Variants in XKR4 observed in about 807,000 individuals in gnomAD.
The protein encoded by XKR4 is XK related 4, also known as XK-related protein 4.
Under a neutral mutation model 53.9 loss-of-function variants are expected in XKR4, and 12 were observed. The observed-to-expected ratio is 0.22, with a 90% CI of 0.14 to 0.36. The LOEUF (loss-of-function observed/expected upper bound fraction) is 0.36, where lower values mean the gene tolerates loss of function less well. Among genes scored for constraint, XKR4 ranks in the 10% least tolerant of loss-of-function variants. The pLI is 1.00. For synonymous variants in XKR4, 354 were observed against 362.4 expected, an observed-to-expected ratio of 0.98 and a Z score of 0.26; for missense variants, 799 against 859.5, an observed-to-expected ratio of 0.93 and a Z score of 0.88.
At chr8:55,231,060 A>G in intron 1 of XKR4, among the ~76,000 whole-genome samples, 1 of 152,142 alleles carries the variant, frequency 6.6e-6, no homozygotes, top group Non-Finnish European at 1.5e-5. Context: ...TAAAATGAAG[A>G]GTTCGAAACT....
intron 1 of XKR4, among the ~76,000 whole-genome samples, chr8:55,144,039 G>A (rs1369346469): frequency 1.3e-5 from 2 of 152,140 alleles, no homozygotes; most frequent in African/African-American, 4.8e-5. Flanking sequence ...TTACTTCAGA[G>A]CTGAATTATC....
intron 1 of XKR4, among the ~76,000 whole-genome samples, chr8:55,112,243 G>A (rs78459384): frequency 0.02 from 3,092 of 152,222 alleles, 90 homozygotes; most frequent in African/African-American, 0.069. Flanking sequence ...TTATACACAT[G>A]CCATATTTCC....
rs186869467 is a variant in XKR4 at position 55,130,976 on chromosome 8, G to A, written c.806+27682G>A. 1.1e-3 allele frequency among the ~76,000 whole-genome samples: 169 copies of A among 152,082 alleles called. 2 individuals are homozygous for A. Among genetic ancestry groups the A allele is most frequent in the African/African-American group, 3.8e-3 (158 of 41,488 alleles). On this transcript the variant is annotated intron_variant, in intron 1 of 2. Transcript: ENST00000327381. ...GGAGTTTGAGACCAGCTTGACCGAC[G>A]TGGAGAAACCCCATCTCTACTAAAA...
At chr8:55,316,572 A>G (rs1819478069) in intron 1 of XKR4, among the ~76,000 whole-genome samples, 1 of 152,228 alleles carries the variant, frequency 6.6e-6, no homozygotes, top group Admixed American at 6.5e-5. Context: ...AAGATGGTTT[A>G]CAGAACACAG....
chr8:55,221,637 A>T (rs562916444), intron 1 of XKR4, among the ~76,000 whole-genome samples: 1 of 152,104 alleles, frequency 6.6e-6, no homozygotes. Flanking sequence ...TGAGCTCAGG[A>T]AGTTCCCTCT....
At position 55,523,887 on chromosome 8, in the gene XKR4, C is replaced by A. The variant is rs778408844; in HGVS notation, c.1613C>A (p.Pro538His). Residue 538 changes from proline (P) to histidine (H), a missense_variant, in exon 3 of 3, where the codon CCC becomes CAC. Pro to His is a moderately conservative substitution (Grantham distance 77). This residue lies in a region of XKR4 where 269 missense variants were observed against 264.4 expected (regional missense o/e 1.02). Coordinates refer to ENST00000327381, the MANE Select transcript of XKR4 (RefSeq NM_052898.2). ...CEDPAAAFTL[P>H]PDVATSTLRS... ...GACCCAGCCGCTGCCTTCACTTTGC[C>A]CCCAGACGTGGCCACAAGCACCCTA... 1 of 1,614,174 alleles carries A rather than the reference C, an allele frequency of 6.2e-7. No individual in the cohort carries two copies. Among genetic ancestry groups the A allele is most frequent in the African/African-American group, 1.3e-5 (1 of 75,052 alleles).
chr8:55,480,757 A>AACAT, intron 2 of XKR4, among the ~76,000 whole-genome samples: 1 of 119,554 alleles, frequency 8.4e-6, no homozygotes, highest in Non-Finnish European at 1.7e-5. Flanking sequence ...ATACACCAAA[A>AACAT]ACAGACAGAG....
intron 1 of XKR4, among the ~76,000 whole-genome samples, chr8:55,305,910 A>T (rs940884107): frequency 6.6e-6 from 1 of 152,226 alleles, no homozygotes; most frequent in African/African-American, 2.4e-5. Context: ...TCTTAATTTT[A>T]ATGGTAGATG....
chr8:55,191,698 T>G (rs1490033975), intron 1 of XKR4, among the ~76,000 whole-genome samples: 4 of 151,768 alleles, frequency 2.6e-5, no homozygotes, highest in African/African-American at 9.7e-5. Flanking sequence ...TTTTTTTTTT[T>G]TGGGAGTTTC....
At chr8:55,317,887 A>G (rs906951970) in intron 1 of XKR4, among the ~76,000 whole-genome samples, 2 of 152,242 alleles carry the variant, frequency 1.3e-5, no homozygotes, top group African/African-American at 2.4e-5. Context: ...CCCAAGGAAG[A>G]TGGCTTCAAT....
At chr8:55,303,734 A>G (rs1819243265) in intron 1 of XKR4, among the ~76,000 whole-genome samples, 1 of 152,142 alleles carries the variant, frequency 6.6e-6, no homozygotes, top group Non-Finnish European at 1.5e-5. Flanking sequence ...GGGAGGGTGT[A>G]TGTGTCGAGG....
At chr8:55,125,835 T>G (rs1816460012) in intron 1 of XKR4, among the ~76,000 whole-genome samples, 1 of 152,148 alleles carries the variant, frequency 6.6e-6, no homozygotes, top group African/African-American at 2.4e-5. Flanking sequence ...AATCTGTCCT[T>G]GTTTTAAAAT....
At chr8:55,490,853 GT>G in intron 2 of XKR4, among the ~76,000 whole-genome samples, 1 of 151,940 alleles carries the variant, frequency 6.6e-6, no homozygotes, top group Admixed American at 6.6e-5. Context: ...TCTGCTTGTG[GT>G]TTGTTGAGAA....
intron 2 of XKR4, among the ~76,000 whole-genome samples, chr8:55,496,012 T>C (rs1300123431): frequency 1.3e-5 from 2 of 152,266 alleles, no homozygotes; most frequent in Non-Finnish European, 2.9e-5. Flanking sequence ...GACTATGAAG[T>C]CAGCAATGTT....
At chr8:55,203,806 T>C (rs1018307837) in intron 1 of XKR4, among the ~76,000 whole-genome samples, 2 of 151,984 alleles carry the variant, frequency 1.3e-5, no homozygotes, top group African/African-American at 4.8e-5. Context: ...CATAAAGGGG[T>C]TTCTGGCTCT....
At chr8:55,237,024 T>G (rs1369785314) in intron 1 of XKR4, among the ~76,000 whole-genome samples, 1 of 152,270 alleles carries the variant, frequency 6.6e-6, no homozygotes, top group African/African-American at 2.4e-5. Flanking sequence ...CTGGTTGTGC[T>G]TCTTCTTCAA....
At chr8:55,208,361 C>T (rs554305900) in intron 1 of XKR4, among the ~76,000 whole-genome samples, 1 of 152,308 alleles carries the variant, frequency 6.6e-6, no homozygotes, top group Non-Finnish European at 1.5e-5. Context: ...CCCAATACAC[C>T]TCTTAGCCAT....
intron 2 of XKR4, chr8:55,449,732 T>A: frequency 1.1e-6 from 1 of 939,758 alleles, no homozygotes. Context: ...CACACGGTGG[T>A]CGTAGTAGCG....
intron 1 of XKR4, among the ~76,000 whole-genome samples, chr8:55,247,730 C>T (rs1292298075): frequency 5.3e-5 from 8 of 152,136 alleles, no homozygotes; most frequent in African/African-American, 1.7e-4. Context: ...TTCACAATTA[C>T]AATCACAGTG....
Sources: gnomAD v4.1 joint callset for allele counts (sites outside exome capture counted in the v4.1 genomes callset) on GRCh38, gnomAD v4.1.1 for gene constraint, gnomAD v4.1.1 regional missense constraint, MANE v1.5 for transcripts, NCBI Gene and HGNC (gene_info 2026-07-23, HGNC 2026-07-21) for gene names.